The following PARN variants were observed in gnomAD, a reference collection of about 807,000 sequenced individuals.
PARN encodes poly(A)-specific ribonuclease.
PARN carries 71 observed loss-of-function variants against 102.8 expected under a neutral mutation model. The observed-to-expected ratio is 0.69, with a 90% CI of 0.57 to 0.84. The LOEUF (loss-of-function observed/expected upper bound fraction) is 0.84, where lower values mean the gene tolerates loss of function less well. Among genes scored for constraint, PARN ranks in the 40% least tolerant of loss-of-function variants. The probability of loss-of-function intolerance (pLI) is 0.00; values close to 1 mark genes in which losing one functional copy is unlikely to be tolerated. For synonymous variants in PARN, 261 were observed against 252.9 expected (o/e 1.03, Z -0.30); for missense variants, 782 against 760.9 (o/e 1.03, Z -0.33).
chr16:14,626,248 C>A (rs1346206155), intron 5 of PARN, among the ~76,000 whole-genome samples: 1 of 152,174 alleles, frequency 6.6e-6, no homozygotes. Flanking sequence ...GGTCTACACC[C>A]TCAGAGTGGA....
intron 21 of PARN, among the ~76,000 whole-genome samples, chr16:14,503,133 C>A (rs1323866560): frequency 1.3e-5 from 2 of 152,078 alleles, no homozygotes; most frequent in Non-Finnish European, 2.9e-5. Context: ...AGAAGAACCT[C>A]CCCCCACAGA....
At chr16:14,499,256 G>A (rs1244279744) in intron 21 of PARN, among the ~76,000 whole-genome samples, 4 of 152,234 alleles carry the variant, frequency 2.6e-5, no homozygotes, top group African/African-American at 9.6e-5. Flanking sequence ...GAGGAAGCAT[G>A]CTGAGTGACA....
chr16:14,597,294 C>CATA (rs1225534371), intron 12 of PARN, among the ~76,000 whole-genome samples: 1 of 152,112 alleles, frequency 6.6e-6, no homozygotes, highest in Non-Finnish European at 1.5e-5. Flanking sequence ...TAAAGTTAAA[C>CATA]TATATAGTTA....
chr16:14,564,572 G>T (rs1968311760), intron 18 of PARN, among the ~76,000 whole-genome samples: 1 of 152,172 alleles, frequency 6.6e-6, no homozygotes, highest in African/African-American at 2.4e-5. Flanking sequence ...GCATCTCAGG[G>T]TGAGGCGAGG....
At chr16:14,468,407 C>T (rs989165133) in intron 22 of PARN, among the ~76,000 whole-genome samples, 3 of 151,956 alleles carry the variant, frequency 2.0e-5, no homozygotes, top group Non-Finnish European at 4.4e-5. Context: ...AGAGAAGACA[C>T]TGATGTGGGT....
intron 12 of PARN, among the ~76,000 whole-genome samples, chr16:14,597,696 C>CA (rs147618787): frequency 2.1e-3 from 242 of 114,848 alleles, no homozygotes; most frequent in Admixed American, 2.2e-3. Context: ...GACTCCATCT[C>CA]AAAAAAAAAA....
At chr16:14,589,409 A>C (rs979991895) in intron 13 of PARN, among the ~76,000 whole-genome samples, 3 of 151,552 alleles carry the variant, frequency 2.0e-5, no homozygotes, top group African/African-American at 7.3e-5. Flanking sequence ...CAAAACTTTC[A>C]AAACAATTAG....
chr16:14,489,628 T>C (rs137900483), intron 21 of PARN, among the ~76,000 whole-genome samples: 52 of 152,236 alleles, frequency 3.4e-4, no homozygotes, highest in African/African-American at 1.2e-3. Flanking sequence ...GTGGTGTAAA[T>C]GCGTACTGCA....
intron 6 of PARN, 88 bp from the exon 7 acceptor site, chr16:14,610,897 A>G (rs1047888688): frequency 1.2e-6 from 1 of 833,548 alleles, no homozygotes; most frequent in East Asian, 2.4e-5. Context: ...TAAATTACTC[A>G]GGAAAGATTT....
At chr16:14,445,846 G>A (rs879360330) in intron 23 of PARN, among the ~76,000 whole-genome samples, 6 of 152,194 alleles carry the variant, frequency 3.9e-5, no homozygotes, top group Non-Finnish European at 8.8e-5. Context: ...TTACAGGCGT[G>A]AGCCACCGAG....
intron 11 of PARN, among the ~76,000 whole-genome samples, 152 bp downstream of exon 11, chr16:14,603,994 A>G (rs1410382804): frequency 6.6e-6 from 1 of 152,168 alleles, no homozygotes; most frequent in Non-Finnish European, 1.5e-5. Flanking sequence ...ACTTCCCCTT[A>G]TTCTAGTCCA....
intron 21 of PARN, among the ~76,000 whole-genome samples, chr16:14,534,059 T>TA (rs1237108281): frequency 6.6e-6 from 1 of 151,866 alleles, no homozygotes; most frequent in Non-Finnish European, 1.5e-5. Flanking sequence ...CCATCTCTCC[T>TA]AAAAATACAA....
chr16:14,457,797 C>CAAAAAA (rs35170336), intron 22 of PARN, among the ~76,000 whole-genome samples: 3 of 30,154 alleles, frequency 9.9e-5, no homozygotes, highest in Non-Finnish European at 1.1e-4. Flanking sequence ...GACTCTGTCT[C>CAAAAAA]AAAAAAAAAA....
chr16:14,561,157 C>CAA (rs749716960), intron 18 of PARN, among the ~76,000 whole-genome samples: 54 of 57,152 alleles, frequency 9.4e-4, no homozygotes, highest in African/African-American at 2.6e-3. Context: ...AACTCCGTCT[C>CAA]AAAAAAAAAA....
chr16:14,618,633 C>T (rs964486388), intron 5 of PARN, among the ~76,000 whole-genome samples: 5 of 145,372 alleles, frequency 3.4e-5, no homozygotes, highest in Non-Finnish European at 4.5e-5. Flanking sequence ...CACTCCAGCC[C>T]AGGCGAGAGA....
chr16:14,557,105 G>T (rs894770045), intron 18 of PARN, among the ~76,000 whole-genome samples: 3 of 152,122 alleles, frequency 2.0e-5, no homozygotes, highest in Non-Finnish European at 4.4e-5. Context: ...TCTGTTGTGT[G>T]TAAGATTATT....
chr16:14,549,408 C>T (rs944067053), intron 21 of PARN, among the ~76,000 whole-genome samples: 1 of 152,080 alleles, frequency 6.6e-6, no homozygotes, highest in Non-Finnish European at 1.5e-5. Flanking sequence ...ACAAGAGGGA[C>T]CCAACACTGC....
At chr16:14,578,713 GAATATTTTTCCTTTAATGATGAAGAA>G (rs1969318550) in intron 18 of PARN, 1 of 151,908 alleles carries the variant, frequency 6.6e-6, no homozygotes, top group Non-Finnish European at 1.5e-5. Flanking sequence ...AATCTTGCAG[GAATATTTTTCCTTTAATGATGAAGAA>G]AATATTCTTC....
intron 18 of PARN, among the ~76,000 whole-genome samples, chr16:14,568,433 T>C (rs1042756747): frequency 5.5e-5 from 8 of 144,334 alleles, no homozygotes; most frequent in Non-Finnish European, 1.2e-4. Context: ...CAGGCTGGTA[T>C]GAAAAACTTA....
Sources: allele counts gnomAD v4.1 joint callset (sites outside exome capture counted in the v4.1 genomes callset), GRCh38; gene constraint gnomAD v4.1.1; transcripts MANE v1.5; gene names NCBI Gene and HGNC (gene_info 2026-07-23, HGNC 2026-07-21).